Variants in STK3 observed in about 807,000 individuals in gnomAD.
STK3 encodes the protein serine/threonine kinase 3, also known as serine/threonine-protein kinase 3.
Under a neutral mutation model 58.0 loss-of-function variants are expected in STK3, and 41 were observed. That is an observed-to-expected ratio of 0.71 (90% CI 0.55 to 0.92). The LOEUF (loss-of-function observed/expected upper bound fraction) is 0.92. Ranked by LOEUF, STK3 falls within the 40% of genes least tolerant of loss-of-function variation. STK3 has a pLI of 0.00. For synonymous variants in STK3, 170 were observed against 191.0 expected (o/e 0.89, Z 0.91); for missense variants, 479 against 602.7 (o/e 0.79, Z 2.15).
At chr8:98,595,792 T>C in intron 7 of STK3, 1 of 372,062 alleles carries the variant, frequency 2.7e-6, no homozygotes, top group Non-Finnish European at 4.8e-6. Context: ...TGAGAAATAG[T>C]AACTATGAAG....
intron 1 of STK3, among the ~76,000 whole-genome samples, chr8:98,940,039 C>A (rs1840347421): frequency 1.3e-5 from 2 of 152,252 alleles, no homozygotes; most frequent in African/African-American, 4.8e-5. Context: ...CTCTCTCCGA[C>A]GAGGCAAACT....
the STK3 span, among the ~76,000 whole-genome samples, chr8:98,365,686 T>C: frequency 6.6e-6 from 1 of 151,196 alleles, no homozygotes; most frequent in Non-Finnish European, 1.5e-5. Context: ...TGTGTCCCAG[T>C]TCATGTCTTT....
chr8:98,741,350 G>T (rs1587481758), intron 4 of STK3, among the ~76,000 whole-genome samples: 1 of 152,192 alleles, frequency 6.6e-6, no homozygotes, highest in Admixed American at 6.5e-5. Flanking sequence ...TGGAAGTAAA[G>T]CTCTCCTCAG....
At chr8:98,720,977 C>T (rs982611341) in intron 4 of STK3, 9 of 514,812 alleles carry the variant, frequency 1.7e-5, no homozygotes, top group African/African-American at 2.1e-5. Flanking sequence ...GAGTACCTGC[C>T]CCAGCTCAGC....
At chr8:98,370,474 A>G (rs1003114810), downstream of STK3, among the ~76,000 whole-genome samples, 2 of 151,972 alleles carry the variant, frequency 1.3e-5, no homozygotes, top group Non-Finnish European at 1.5e-5. Context: ...GAACAGACTC[A>G]TCTTATGCCT....
chr8:98,780,038 G>A (rs1831982304), intron 1 of STK3, among the ~76,000 whole-genome samples: 1 of 151,874 alleles, frequency 6.6e-6, no homozygotes, highest in Non-Finnish European at 1.5e-5. Flanking sequence ...AAGTAGATAT[G>A]CTGACAAATA....
intron 1 of STK3, among the ~76,000 whole-genome samples, chr8:98,888,010 GGT>G (rs2131914814): frequency 6.6e-6 from 1 of 152,208 alleles, no homozygotes. Flanking sequence ...TGGGGCTAGT[GGT>G]GGATCTAAAG....
intron 3 of STK3, among the ~76,000 whole-genome samples, chr8:98,404,796 A>G (rs1586549816): frequency 6.6e-6 from 1 of 152,178 alleles, no homozygotes; most frequent in East Asian, 1.9e-4. Context: ...GGCTGCAATG[A>G]GCCATGATCG....
intron 6 of STK3, among the ~76,000 whole-genome samples, chr8:98,611,846 C>A (rs1239651851): frequency 6.6e-6 from 1 of 152,002 alleles, no homozygotes; most frequent in Admixed American, 6.6e-5. Context: ...AAGATCACTG[C>A]ATGAATCAAA....
rs137985186 is a variant in STK3 at position 98,745,314 on chromosome 8, T to C, written c.351+3962A>G. ...TTTTATAAGAAACTGGATTTGTCAGTGTCTTTCTTCAGCTCTCAGCTCCCT... is the reference window on the plus strand; with the variant it reads ...TTTTATAAGAAACTGGATTTGTCAGCGTCTTTCTTCAGCTCTCAGCTCCCT... On this transcript the variant is annotated intron_variant, in intron 4 of 10. Transcript: ENST00000419617. 8.6e-3 allele frequency among the ~76,000 whole-genome samples: 1,305 copies of C among 152,310 alleles called. 10 individuals are homozygous for C. The highest frequency in any genetic ancestry group is 0.03 in the African/African-American group (1,229 of 41,562).
intron 6 of STK3, among the ~76,000 whole-genome samples, chr8:98,605,735 C>T (rs892880075): frequency 5.3e-5 from 8 of 152,258 alleles, no homozygotes; most frequent in Non-Finnish European, 1.2e-4. Flanking sequence ...CCGCTTAAAT[C>T]TCCTGTCAAA....
chr8:98,380,302 T>C (rs924107484), intron 1 of STK3, among the ~76,000 whole-genome samples: 4 of 152,158 alleles, frequency 2.6e-5, no homozygotes, highest in Admixed American at 6.5e-5. Flanking sequence ...CTTACCACAA[T>C]AAAATAAATT....
At chr8:98,608,005 T>A (rs1253881593) in intron 6 of STK3, among the ~76,000 whole-genome samples, 1 of 152,172 alleles carries the variant, frequency 6.6e-6, no homozygotes, top group Non-Finnish European at 1.5e-5. Flanking sequence ...AGAAATAGAT[T>A]TTAATGTAAC....
chr8:98,710,791 G>C (rs1175242020), intron 4 of STK3, among the ~76,000 whole-genome samples: 5 of 152,224 alleles, frequency 3.3e-5, no homozygotes, highest in Non-Finnish European at 7.3e-5. Context: ...GAAGAGAGTA[G>C]TGGTTCTCCC....
intron 6 of STK3, among the ~76,000 whole-genome samples, chr8:98,680,367 A>G (rs1309627192): frequency 1.3e-5 from 2 of 152,220 alleles, no homozygotes; most frequent in Non-Finnish European, 2.9e-5. Context: ...AGGCAAATGG[A>G]AACAGTTCAA....
chr8:98,465,457 C>T lies in STK3; in HGVS notation c.1318-9457G>A, dbSNP rs563326223. Among the ~76,000 whole-genome samples, 4 of 152,232 alleles carry T rather than the reference C, an allele frequency of 2.6e-5. No individual in the cohort carries two copies. In the South Asian group the frequency reaches 8.3e-4, roughly 32 times the overall value. ...ATCCCAACTTTCCTGTCAGATTGTA[C>T]CTGGTGAAGCATTTTACTTATAAGC... On this transcript the variant is annotated intron_variant, in intron 10 of 10. Coordinates refer to ENST00000419617, the MANE Select transcript of STK3 (RefSeq NM_006281.4).
At chr8:98,508,526 G>A (rs184593658) in intron 10 of STK3, among the ~76,000 whole-genome samples, 13 of 152,168 alleles carry the variant, frequency 8.5e-5, no homozygotes, top group Non-Finnish European at 1.6e-4. Flanking sequence ...TTCTTTTTGG[G>A]ATAATGATGA....
At chr8:98,751,767 C>T (rs1830000654) in intron 3 of STK3, among the ~76,000 whole-genome samples, 2 of 152,030 alleles carry the variant, frequency 1.3e-5, no homozygotes, top group South Asian at 4.1e-4. Flanking sequence ...CGGTGAAACC[C>T]CCATCTCTAC....
the STK3 span, among the ~76,000 whole-genome samples, chr8:98,345,832 T>C: frequency 7.2e-3 from 1,095 of 152,140 alleles, 37 homozygotes; most frequent in African/African-American, 0.026. Flanking sequence ...CAAATTGAAT[T>C]TCTAGAGATG....
Sources: gnomAD v4.1 joint callset for allele counts (sites outside exome capture counted in the v4.1 genomes callset) on GRCh38, gnomAD v4.1.1 for gene constraint, MANE v1.5 for transcripts, NCBI Gene and HGNC (gene_info 2026-07-23, HGNC 2026-07-21) for gene names.